Variants in RAB11FIP5 observed in about 807,000 individuals in gnomAD.
RAB11FIP5 encodes rab11 family-interacting protein 5.
RAB11FIP5 carries 48 observed loss-of-function variants against 85.1 expected under a neutral mutation model. That is an observed-to-expected ratio of 0.56 (90% confidence interval 0.45 to 0.72). The LOEUF is 0.72. Among genes scored for constraint, RAB11FIP5 ranks in the 30% least tolerant of loss-of-function variants. The pLI, the probability that RAB11FIP5 is intolerant of heterozygous loss-of-function variation, is 0.00. For missense variants in RAB11FIP5, 1,491 were observed against 1,687.0 expected, an observed-to-expected ratio of 0.88 and a Z score of 2.04; for synonymous variants, 729 against 727.3, an observed-to-expected ratio of 1.00 and a Z score of -0.04.
chr2:73,088,675 C>T lies in RAB11FIP5; in HGVS notation c.943G>A (p.Val315Met). The T allele has an allele frequency of 1.2e-6, 2 of 1,613,130 alleles. No homozygotes were observed. The highest frequency in any genetic ancestry group is 1.7e-6 in the Non-Finnish European group (2 of 1,180,016). The change falls in exon 3 of 6, where the codon GTG becomes ATG. Residue 315 changes from valine to methionine, a missense_variant. This residue lies in a region of RAB11FIP5 where 1,211 missense variants were observed against 1,338.0 expected (regional missense o/e 0.91). Coordinates refer to ENST00000486777, the MANE Select transcript of RAB11FIP5 (RefSeq NM_001371272.1). ...TYSDEANQMRVAPPRALLDLQ... is the reference protein window; with the variant it reads ...TYSDEANQMRMAPPRALLDLQ... Reference sequence around the variant, plus strand: ...TCCAGAAGGGCCCGAGGAGGAGCCACTCGCATCTGGTTGGCCTCATCGCTG... The same window carrying T: ...TCCAGAAGGGCCCGAGGAGGAGCCATTCGCATCTGGTTGGCCTCATCGCTG...
At position 73,112,744 on chromosome 2, in the gene RAB11FIP5, C is replaced by T; in HGVS notation, c.34G>A (p.Gly12Arg). 1 of 1,488,368 alleles carries T rather than the reference C, an allele frequency of 6.7e-7. No individual in the cohort carries two copies. The highest frequency in any genetic ancestry group is 8.9e-7 in the Non-Finnish European group (1 of 1,122,788). The allele number at this position is 1,488,368 out of a possible 1,614,324, so 92.2% of individuals were successfully genotyped here. The part of the protein sequence containing the change: ...ALVRGAEPAA[G>R]PSRWLPTHVQ... ...TGCGTGGGCAGCCAGCGGGAAGGCCCCGCCGCCGGCTCCGCGCCCCGCACC... is the reference window on the plus strand; with the variant it reads ...TGCGTGGGCAGCCAGCGGGAAGGCCTCGCCGCCGGCTCCGCGCCCCGCACC... Residue 12 changes from glycine (G) to arginine (R), a missense_variant, in exon 1 of 6, where the codon GGG (glycine) becomes AGG (arginine). Gly to Arg is a moderately radical substitution (Grantham distance 125). Transcript: ENST00000486777.
intron 1 of RAB11FIP5, among the ~76,000 whole-genome samples, chr2:73,091,890 A>C (rs151186772): frequency 7.9e-4 from 121 of 152,284 alleles, no homozygotes; most frequent in African/African-American, 2.8e-3. Context: ...CCGGGTAGGA[A>C]CAGATGGTGC....
intron 1 of RAB11FIP5, among the ~76,000 whole-genome samples, chr2:73,111,307 T>G (rs555905278): frequency 5.6e-4 from 86 of 152,320 alleles, no homozygotes; most frequent in East Asian, 9.7e-4. Context: ...CAAGCCTTCC[T>G]GGATTTATTC....
intron 1 of RAB11FIP5, among the ~76,000 whole-genome samples, chr2:73,095,349 C>A (rs1278811911): frequency 1.3e-5 from 2 of 152,258 alleles, no homozygotes; most frequent in East Asian, 3.8e-4. Context: ...AGAAGACACA[C>A]ATCAGTGCTT....
chr2:73,088,616 A>C lies in RAB11FIP5; in HGVS notation c.1002T>G (p.Ser334=). 6.2e-7 allele frequency: 1 copy of C among 1,613,432 alleles called. No individual in the cohort carries two copies. Among genetic ancestry groups the C allele is most frequent in the African/African-American group, 1.3e-5 (1 of 75,074 alleles). Residue 334 remains serine, a synonymous_variant, in exon 3 of 6, where the codon TCT becomes TCG. Coordinates refer to ENST00000486777, the MANE Select transcript of RAB11FIP5 (RefSeq NM_001371272.1). ...LQGHLDAASR[S]SLCVNGSHIY... is the part of the protein sequence containing the mutation. The stretch of plus-strand genomic sequence containing the variant: ...TGTGGCTCCCATTGACACAGAGCGA[A>C]GAGCGGGAGGCAGCATCCAGGTGGC...
chr2:73,108,769 C>T (rs868241128), intron 1 of RAB11FIP5, among the ~76,000 whole-genome samples: 4 of 152,192 alleles, frequency 2.6e-5, no homozygotes, highest in African/African-American at 9.7e-5. Flanking sequence ...TTGGGCCAGG[C>T]GTGGTGGCTC....
chr2:73,083,046 T>G (rs1329195193), intron 3 of RAB11FIP5, among the ~76,000 whole-genome samples: 4 of 152,158 alleles, frequency 2.6e-5, no homozygotes, highest in Non-Finnish European at 5.9e-5. Context: ...GGTGGAAATA[T>G]CCTGGGGAAA....
rs556792257 is a variant in RAB11FIP5 at position 73,094,670 on chromosome 2, G to A, written c.432-5355C>T. 8.3e-4 allele frequency among the ~76,000 whole-genome samples: 127 copies of A among 152,172 alleles called. 1 individual carries two copies. Among genetic ancestry groups the A allele is most frequent in the Admixed American group, 2.7e-3 (41 of 15,290 alleles). On this transcript the variant is annotated intron_variant, in intron 1 of 5. Coordinates refer to ENST00000486777, the MANE Select transcript of RAB11FIP5 (RefSeq NM_001371272.1). ...CGCTTTACATCACTTTAAGGTCAGCGGCCACCTGGGCTCTCCACCTGGGCT... is the reference window on the plus strand; with the variant it reads ...CGCTTTACATCACTTTAAGGTCAGCAGCCACCTGGGCTCTCCACCTGGGCT...
chr2:73,075,911 C>T lies in RAB11FIP5; in HGVS notation c.3771+82G>A, dbSNP rs1437330836. 9.2e-6 allele frequency: 14 copies of T among 1,523,964 alleles called. No individual in the cohort carries two copies. Among genetic ancestry groups the T allele is most frequent in the African/African-American group, 2.7e-5 (2 of 72,810 alleles). The allele number at this position is 1,523,964 out of a possible 1,614,324, so 94.4% of individuals were successfully genotyped here. A position where few individuals can be genotyped will look rare whatever the true frequency, so the allele number is the denominator to read the frequency against. ...TGATATGGGGGACCTGGCCTGCTCCCTGCCCCACCCTCACCAGGACCAAGC... is the reference window on the plus strand; with the variant it reads ...TGATATGGGGGACCTGGCCTGCTCCTTGCCCCACCCTCACCAGGACCAAGC... On this transcript the variant is annotated intron_variant, in intron 5 of 5. Transcript: ENST00000486777. This position sits in a 1 kb window ranked among gnomAD's most constrained non-coding sequence, Gnocchi z 4.6.
chr2:73,079,602 C>A (rs1226486973), intron 4 of RAB11FIP5, 49 bp downstream of exon 4: 12 of 1,232,522 alleles, frequency 9.7e-6, no homozygotes, highest in Non-Finnish European at 1.2e-5. Context: ...TGTTCTGCCC[C>A]CTGTCCACCC....
chr2:73,098,327 G>A (rs1173636450), intron 1 of RAB11FIP5, among the ~76,000 whole-genome samples: 1 of 152,158 alleles, frequency 6.6e-6, no homozygotes, highest in East Asian at 1.9e-4. Context: ...TTATATCAGG[G>A]ATGCTCAACT....
Position 73,089,325 on chromosome 2 carries a change from G to A in RAB11FIP5, c.432-10C>T. On this transcript the variant is annotated splice_polypyrimidine_tract_variant and intron_variant, in intron 1 of 5. Coordinates refer to ENST00000486777, the MANE Select transcript of RAB11FIP5 (RefSeq NM_001371272.1). The surrounding 1 kb of genome is among the most constrained non-coding windows in gnomAD (Gnocchi z 4.6). ...GTGCAGCTTGTACCACCTGTGAGAA[G>A]AGGGGAGCAGGCAGAACTCAGTCAC... The A allele has an allele frequency of 6.2e-7, 1 of 1,612,246 alleles. No individual in the cohort carries two copies. Among genetic ancestry groups the A allele is most frequent in the Non-Finnish European group, 8.5e-7 (1 of 1,179,896 alleles).
intron 1 of RAB11FIP5, among the ~76,000 whole-genome samples, chr2:73,110,228 A>G (rs1290888234): frequency 6.6e-6 from 1 of 152,228 alleles, no homozygotes; most frequent in African/African-American, 2.4e-5. Flanking sequence ...TGAGGAGGGT[A>G]CACCCTGGTC....
rs770052080 is a variant in RAB11FIP5 at position 73,078,646 on chromosome 2, C to CT, written c.3581+1004dup. On this transcript the variant is annotated intron_variant, in intron 4 of 5. Transcript: ENST00000486777. This position sits in a 1 kb window ranked among gnomAD's most constrained non-coding sequence, Gnocchi z 4.4. Reference sequence around the variant, plus strand: ...CTTGGGAACAGAGTGGAGACAGTGTCTTTCATCTGTTCAGCATCTGACACA... The same window carrying CT: ...CTTGGGAACAGAGTGGAGACAGTGTCTTTTCATCTGTTCAGCATCTGACACA... Among the ~76,000 whole-genome samples, 11 of 152,210 alleles carry CT rather than the reference C, an allele frequency of 7.2e-5. No homozygotes were observed. The highest frequency in any genetic ancestry group is 1.3e-4 in the Admixed American group (2 of 15,284).
intron 1 of RAB11FIP5, among the ~76,000 whole-genome samples, chr2:73,108,458 A>G (rs1443506006): frequency 1.3e-5 from 2 of 152,124 alleles, no homozygotes; most frequent in Non-Finnish European, 2.9e-5. Flanking sequence ...AAAACACACA[A>G]AGACCAGCAT....
At position 73,075,394 on chromosome 2, in the gene RAB11FIP5, A is replaced by C. The variant is rs1479897804; in HGVS notation, c.*127T>G. On this transcript the variant is annotated 3_prime_UTR_variant, in exon 6 of 6. Coordinates refer to ENST00000486777, the MANE Select transcript of RAB11FIP5 (RefSeq NM_001371272.1). This position sits in a 1 kb window ranked among gnomAD's most constrained non-coding sequence, Gnocchi z 4.6. ...TTCCAGCAGCCCCAGTTGAGGCAGG[A>C]GGGAGAGGAGCAAGGAGTGACAAGG... is the stretch of plus-strand genomic sequence containing the variant. 3.1e-6 allele frequency: 3 copies of C among 972,732 alleles called. No individual in the cohort carries two copies. Among genetic ancestry groups the C allele is most frequent in the Non-Finnish European group, 4.9e-6 (3 of 606,262 alleles). The allele number at this position is 972,732 out of a possible 1,614,324, so 60.3% of individuals were successfully genotyped here. A position where few individuals can be genotyped will look rare whatever the true frequency, so the allele number is the denominator to read the frequency against.
chr2:73,108,620 A>C (rs1684577196), intron 1 of RAB11FIP5, among the ~76,000 whole-genome samples: 1 of 152,220 alleles, frequency 6.6e-6, no homozygotes. Flanking sequence ...CACCAATCGC[A>C]TAAAGACCAA....
chr2:73,101,008 A>G (rs1261144405), intron 1 of RAB11FIP5, among the ~76,000 whole-genome samples: 1 of 141,284 alleles, frequency 7.1e-6, no homozygotes, highest in African/African-American at 2.6e-5. Context: ...ATCAATGGAT[A>G]TTAAAACCTC....
At chr2:73,085,828 T>C (rs532913484) in intron 3 of RAB11FIP5, among the ~76,000 whole-genome samples, 1 of 152,316 alleles carries the variant, frequency 6.6e-6, no homozygotes, top group African/African-American at 2.4e-5. Context: ...GCCGCTGTTC[T>C]TCCTAGTGAG....
Sources: allele counts gnomAD v4.1 joint callset (sites outside exome capture counted in the v4.1 genomes callset), GRCh38; gene constraint gnomAD v4.1.1; regional missense constraint gnomAD v4.1.1; non-coding constraint Gnocchi (gnomAD v3.1); transcripts MANE v1.5; gene names NCBI Gene and HGNC (gene_info 2026-07-23, HGNC 2026-07-21).